Variants in PPARGC1A observed in about 807,000 individuals in gnomAD.
PPARGC1A encodes peroxisome proliferator-activated receptor gamma coactivator 1-alpha.
A neutral mutation model predicts 88.7 loss-of-function variants in PPARGC1A; 25 were observed. That is an observed-to-expected ratio of 0.28 (90% CI 0.21 to 0.39). The LOEUF (loss-of-function observed/expected upper bound fraction) is 0.39, where lower values mean the gene tolerates loss of function less well. Among genes scored for constraint, PPARGC1A ranks in the 10% least tolerant of loss-of-function variants. PPARGC1A has a pLI of 1.00. For synonymous variants in PPARGC1A, 363 were observed against 355.6 expected, an observed-to-expected ratio of 1.02 and a Z score of -0.24; for missense variants, 880 against 968.7, an observed-to-expected ratio of 0.91 and a Z score of 1.22.
chr4:23,806,010 C>A (rs1719743481), intron 10 of PPARGC1A, among the ~76,000 whole-genome samples: 1 of 152,150 alleles, frequency 6.6e-6, no homozygotes, highest in East Asian at 1.9e-4. Flanking sequence ...ACCAGAGGAC[C>A]TTTTATAATG....
chr4:23,909,336 G>A, the PPARGC1A span, among the ~76,000 whole-genome samples: 1 of 152,128 alleles, frequency 6.6e-6, no homozygotes, highest in Admixed American at 6.5e-5. Context: ...AAAAATGACT[G>A]GTGCCCTACG....
the PPARGC1A span, among the ~76,000 whole-genome samples, chr4:23,984,415 T>C: frequency 6.6e-6 from 1 of 152,142 alleles, no homozygotes; most frequent in Non-Finnish European, 1.5e-5. Context: ...CAAATGTCTA[T>C]TCCAACTTCC....
At chr4:23,832,696 G>A (rs1404250388) in intron 2 of PPARGC1A, among the ~76,000 whole-genome samples, 2 of 148,644 alleles carry the variant, frequency 1.3e-5, no homozygotes, top group Non-Finnish European at 3.0e-5. Flanking sequence ...TGCAAGCTCC[G>A]CCTCCTGGGT....
chr4:24,446,353 C>T, the PPARGC1A span, among the ~76,000 whole-genome samples: 1 of 152,152 alleles, frequency 6.6e-6, no homozygotes, highest in East Asian at 1.9e-4. Context: ...TTTTCATATA[C>T]CTGTTGGCCA....
the PPARGC1A span, among the ~76,000 whole-genome samples, chr4:24,183,925 C>T: frequency 2.6e-5 from 4 of 152,140 alleles, no homozygotes; most frequent in East Asian, 1.9e-4. Context: ...ATTTACAAAA[C>T]GGGCCTGGTG....
chr4:24,349,727 C>T, the PPARGC1A span, among the ~76,000 whole-genome samples: 2,080 of 152,266 alleles, frequency 0.014, 56 homozygotes, highest in African/African-American at 0.048. Context: ...AGCTATCTGC[C>T]TCCCAACTGC....
At chr4:24,201,160 T>C in the PPARGC1A span, among the ~76,000 whole-genome samples, 2 of 152,272 alleles carry the variant, frequency 1.3e-5, no homozygotes, top group Non-Finnish European at 1.5e-5. Flanking sequence ...ATCACCATAA[T>C]GCACCTATTT....
At chr4:23,999,954 T>C in the PPARGC1A span, among the ~76,000 whole-genome samples, 145,456 of 152,156 alleles carry the variant, frequency 0.96, 69,589 homozygotes, top group African/African-American at 0.99. Flanking sequence ...GGAGGGAGGG[T>C]CGAGTTGATG....
At chr4:24,392,931 A>G in the PPARGC1A span, among the ~76,000 whole-genome samples, 1 of 151,820 alleles carries the variant, frequency 6.6e-6, no homozygotes, top group Non-Finnish European at 1.5e-5. Context: ...TTGGTCACTG[A>G]ATTTTGTCTC....
the PPARGC1A span, among the ~76,000 whole-genome samples, chr4:24,245,420 C>T: frequency 6.6e-6 from 1 of 152,308 alleles, no homozygotes; most frequent in Admixed American, 6.5e-5. Context: ...ACATTTCAAG[C>T]ACAGTACACT....
the PPARGC1A span, among the ~76,000 whole-genome samples, chr4:23,965,104 G>A: frequency 9.2e-5 from 14 of 152,152 alleles, no homozygotes; most frequent in Admixed American, 1.3e-4. Flanking sequence ...ACCATCCCCC[G>A]TATCTGACCA....
the PPARGC1A span, among the ~76,000 whole-genome samples, chr4:24,421,313 C>CTTTTT: frequency 7.3e-6 from 1 of 137,566 alleles, no homozygotes; most frequent in African/African-American, 2.7e-5. Flanking sequence ...GAACAGTTCA[C>CTTTTT]TTTTTTTTTT....
At chr4:24,085,619 A>G in the PPARGC1A span, among the ~76,000 whole-genome samples, 5 of 152,208 alleles carry the variant, frequency 3.3e-5, no homozygotes, top group Non-Finnish European at 5.9e-5. Flanking sequence ...AGCTGGTCTA[A>G]TAATCTTGGG....
the PPARGC1A span, among the ~76,000 whole-genome samples, chr4:23,955,246 G>T: frequency 6.6e-6 from 1 of 151,934 alleles, no homozygotes; most frequent in Non-Finnish European, 1.5e-5. Context: ...TCTAATGCTT[G>T]TGTTTCTATA....
At chr4:24,354,888 A>ACCC in the PPARGC1A span, among the ~76,000 whole-genome samples, 89 of 129,206 alleles carry the variant, frequency 6.9e-4, no homozygotes, top group Middle Eastern at 7.6e-3. Context: ...CTGTCAAAAA[A>ACCC]AACAAAAACA....
chr4:24,066,760 C>A, the PPARGC1A span, among the ~76,000 whole-genome samples: 8 of 152,140 alleles, frequency 5.3e-5, no homozygotes, highest in South Asian at 8.3e-4. Flanking sequence ...CAACCTCACC[C>A]CAAATATGAG....
At chr4:24,171,208 C>A in the PPARGC1A span, among the ~76,000 whole-genome samples, 1 of 152,054 alleles carries the variant, frequency 6.6e-6, no homozygotes, top group Non-Finnish European at 1.5e-5. Flanking sequence ...GGGATCGAGA[C>A]CATCCTGGCC....
At chr4:23,996,266 C>A in the PPARGC1A span, among the ~76,000 whole-genome samples, 7 of 152,132 alleles carry the variant, frequency 4.6e-5, no homozygotes, top group Non-Finnish European at 7.3e-5. Flanking sequence ...TGCAAAGTCC[C>A]AAGTCACATG....
the PPARGC1A span, among the ~76,000 whole-genome samples, chr4:24,409,089 T>A: frequency 6.6e-6 from 1 of 152,214 alleles, no homozygotes; most frequent in Non-Finnish European, 1.5e-5. Flanking sequence ...GTCATTATAT[T>A]CTTCTCTATA....
Sources: gnomAD v4.1 joint callset for allele counts (sites outside exome capture counted in the v4.1 genomes callset) on GRCh38, gnomAD v4.1.1 for gene constraint, MANE v1.5 for transcripts, NCBI Gene and HGNC (gene_info 2026-07-23, HGNC 2026-07-21) for gene names.